Variants in DRG1 observed in about 807,000 individuals in gnomAD.
The protein encoded by DRG1 is developmentally-regulated GTP-binding protein 1.
In DRG1, 19 loss-of-function variants were observed where a neutral mutation model predicts 38.8. That is an observed-to-expected ratio of 0.49 (90% CI 0.34 to 0.72). The LOEUF is 0.72. Among genes scored for constraint, DRG1 ranks in the 30% least tolerant of loss-of-function variants. The probability of loss-of-function intolerance (pLI) is 0.01; values close to 1 mark genes in which losing one functional copy is unlikely to be tolerated. For missense variants in DRG1, 299 were observed against 444.8 expected, an observed-to-expected ratio of 0.67 and a Z score of 2.95; for synonymous variants, 167 against 157.5, an observed-to-expected ratio of 1.06 and a Z score of -0.45.
At chr22:31,429,492 ACTT>A (rs1456262804) in intron 8 of DRG1, among the ~76,000 whole-genome samples, 1 of 151,894 alleles carries the variant, frequency 6.6e-6, no homozygotes, top group Non-Finnish European at 1.5e-5. Flanking sequence ...TAGAGCTACC[ACTT>A]CTTTATTTAA....
intron 4 of DRG1, among the ~76,000 whole-genome samples, chr22:31,414,536 C>G (rs924365627): frequency 6.6e-5 from 10 of 152,150 alleles, no homozygotes; most frequent in Admixed American, 4.6e-4. Flanking sequence ...TCAGTAAAGG[C>G]AAATTTATCC....
In DRG1 at chr22:31,399,704, G is replaced by A. The variant is rs1483102483; in HGVS notation, c.21G>A (p.Lys7=). Reference sequence around the variant, plus strand: ...CCACGATGAGCAGCACCTTAGCTAAGATCGCGGAGATAGAAGCAGAGGTAA... The same window carrying A: ...CCACGATGAGCAGCACCTTAGCTAAAATCGCGGAGATAGAAGCAGAGGTAA... MSSTLA[K]IAEIEAEMAR... The change falls in exon 1 of 9, where the codon AAG becomes AAA. Residue 7 remains lysine, a synonymous_variant. Transcript: ENST00000331457. The A allele has an allele frequency of 6.2e-7, 1 of 1,614,020 alleles. No homozygotes were observed. Among genetic ancestry groups the A allele is most frequent in the East Asian group, 2.2e-5 (1 of 44,882 alleles).
chr22:31,418,872 G>C (rs1236345944), intron 4 of DRG1, among the ~76,000 whole-genome samples: 3 of 152,068 alleles, frequency 2.0e-5, no homozygotes, highest in Non-Finnish European at 4.4e-5. Context: ...TAGTAGAGAT[G>C]GGGTTTTACC....
intron 4 of DRG1, among the ~76,000 whole-genome samples, chr22:31,413,830 T>C (rs528112715): frequency 6.6e-6 from 1 of 152,188 alleles, no homozygotes; most frequent in South Asian, 2.1e-4. Flanking sequence ...TCCAGGCTGG[T>C]CTTGAACTCC....
At chr22:31,433,211 T>C (rs904153467) in intron 8 of DRG1, among the ~76,000 whole-genome samples, 1 of 152,030 alleles carries the variant, frequency 6.6e-6, no homozygotes, top group Non-Finnish European at 1.5e-5. Context: ...ATAAGTGATA[T>C]TGTATCTGTA....
At chr22:31,420,756 G>T (rs13053245) in intron 5 of DRG1, among the ~76,000 whole-genome samples, 6 of 151,722 alleles carry the variant, frequency 4.0e-5, no homozygotes, top group Non-Finnish European at 8.8e-5. Context: ...TGCCTACCAC[G>T]GGCCAAGCAT....
intron 4 of DRG1, among the ~76,000 whole-genome samples, chr22:31,415,723 G>A (rs1391177947): frequency 6.6e-6 from 1 of 151,916 alleles, no homozygotes; most frequent in Non-Finnish European, 1.5e-5. Context: ...TCTTTCCTTA[G>A]GTCTTAGATA....
intron 8 of DRG1, among the ~76,000 whole-genome samples, chr22:31,427,668 C>T (rs1179213211): frequency 6.6e-6 from 1 of 152,176 alleles, no homozygotes; most frequent in Non-Finnish European, 1.5e-5. Context: ...TGGGCTCAAG[C>T]AGTCCTCATG....
At position 31,426,508 on chromosome 22, in the gene DRG1, C is replaced by A. The variant is rs566123323; in HGVS notation, c.714-107C>A. On this transcript the variant is annotated intron_variant, in intron 6 of 8. Coordinates refer to ENST00000331457, the MANE Select transcript of DRG1 (RefSeq NM_004147.4). Reference sequence around the variant, plus strand: ...TCTGGCTGATCTGCTACTTACAGTCCCTCTTGGGAGCGCCAGTTGGGTCTG... The same window carrying A: ...TCTGGCTGATCTGCTACTTACAGTCACTCTTGGGAGCGCCAGTTGGGTCTG... The A allele has an allele frequency of 3.3e-6, 3 of 897,666 alleles. No individual in the cohort carries two copies. The East Asian group carries it at 7.6e-5, about 23-fold the overall frequency. The allele number at this position is 897,666 out of a possible 1,614,324, so 55.6% of individuals were successfully genotyped here.
At chr22:31,412,649 C>T (rs1456892257) in intron 4 of DRG1, among the ~76,000 whole-genome samples, 3 of 151,776 alleles carry the variant, frequency 2.0e-5, no homozygotes, top group South Asian at 2.1e-4. Flanking sequence ...GTGCCTGGCC[C>T]TCTCTTTCTT....
At chr22:31,423,196 T>G (rs2050086375) in intron 5 of DRG1, 84 bp from the exon 6 acceptor site, 1 of 1,550,674 alleles carries the variant, frequency 6.4e-7, no homozygotes. Context: ...TAGCTAGAAT[T>G]TTCCAGGTAC....
Position 31,403,294 on chromosome 22 carries a change from A to G in DRG1, c.342+90A>G, listed in dbSNP as rs1316365962. On this transcript the variant is annotated intron_variant, in intron 3 of 8. Coordinates refer to ENST00000331457, the MANE Select transcript of DRG1 (RefSeq NM_004147.4). ...GGGAGCTCACTGTATGCCAGGCCTG[A>G]TCTTTGATCTACCAGGCACTTACTA... is the stretch of plus-strand genomic sequence containing the variant. 9 of 1,355,600 alleles carry G rather than the reference A, an allele frequency of 6.6e-6. 1 individual carries two copies. The East Asian group carries it at 1.2e-4, about 19-fold the overall frequency. The allele number at this position is 1,355,600 out of a possible 1,614,324, so 84.0% of individuals were successfully genotyped here.
intron 4 of DRG1, among the ~76,000 whole-genome samples, chr22:31,414,339 T>C (rs2050033245): frequency 1.3e-5 from 2 of 152,176 alleles, no homozygotes; most frequent in Admixed American, 1.3e-4. Flanking sequence ...AAAGTTAACG[T>C]GTAAGATTAC....
intron 8 of DRG1, among the ~76,000 whole-genome samples, chr22:31,428,907 A>G (rs944074592): frequency 5.9e-5 from 9 of 152,184 alleles, no homozygotes; most frequent in Admixed American, 1.3e-4. Flanking sequence ...GTTCTTCTCA[A>G]TGTATCATTA....
chr22:31,419,228 A>G (rs1738822107), intron 4 of DRG1, among the ~76,000 whole-genome samples: 1 of 152,132 alleles, frequency 6.6e-6, no homozygotes, highest in Admixed American at 6.6e-5. Flanking sequence ...GCTTGAGGCC[A>G]GGAGTTAAAG....
chr22:31,405,013 T>TA (rs2049981668), intron 3 of DRG1, among the ~76,000 whole-genome samples: 1 of 152,204 alleles, frequency 6.6e-6, no homozygotes, highest in African/African-American at 2.4e-5. Flanking sequence ...TATTGAATGT[T>TA]ACTTATTAGG....
At chr22:31,402,028 G>A (rs924643477) in intron 2 of DRG1, among the ~76,000 whole-genome samples, 5 of 151,980 alleles carry the variant, frequency 3.3e-5, no homozygotes, top group Non-Finnish European at 2.9e-5. Context: ...CCCAGCCTGG[G>A]TGACAGAGCT....
At chr22:31,408,433 C>CATGCCCAGCTGAGAATCCCT (rs2050001142) in intron 3 of DRG1, among the ~76,000 whole-genome samples, 2 of 151,462 alleles carry the variant, frequency 1.3e-5, no homozygotes, top group African/African-American at 4.8e-5. Flanking sequence ...CTTGAGCCAC[C>CATGCCCAGCTGAGAATCCCT]ATGCCCAGCT....
At chr22:31,414,585 C>T (rs1327518172) in intron 4 of DRG1, among the ~76,000 whole-genome samples, 1 of 152,058 alleles carries the variant, frequency 6.6e-6, no homozygotes, top group Non-Finnish European at 1.5e-5. Flanking sequence ...TCCCTTTCAT[C>T]CCGCACATCT....
Sources: gnomAD v4.1 joint callset for allele counts (sites outside exome capture counted in the v4.1 genomes callset) on GRCh38, gnomAD v4.1.1 for gene constraint, MANE v1.5 for transcripts, NCBI Gene and HGNC (gene_info 2026-07-23, HGNC 2026-07-21) for gene names.